Variants in CHST8 observed in about 807,000 individuals in gnomAD.
CHST8 encodes carbohydrate sulfotransferase 8.
CHST8 carries 10 observed loss-of-function variants against 15.0 expected under a neutral mutation model. The ratio of observed to expected loss-of-function variants is 0.67; its 90% CI spans 0.41 to 1.13. The LOEUF is 1.13. CHST8 is among the 50% of genes most tolerant of loss of function. The pLI is 0.00. For missense variants in CHST8, 634 were observed against 608.2 expected, an observed-to-expected ratio of 1.04 and a Z score of -0.45; for synonymous variants, 259 against 256.6, an observed-to-expected ratio of 1.01 and a Z score of -0.09.
At chr19:33,729,311 G>T (rs1973955075) in intron 3 of CHST8, among the ~76,000 whole-genome samples, 1 of 152,254 alleles carries the variant, frequency 6.6e-6, no homozygotes, top group Admixed American at 6.5e-5. Flanking sequence ...CAGGCTGTTG[G>T]CCAGAGAACT....
chr19:33,713,347 C>T (rs1025400730), intron 3 of CHST8, among the ~76,000 whole-genome samples: 1 of 152,068 alleles, frequency 6.6e-6, no homozygotes, highest in African/African-American at 2.4e-5. Flanking sequence ...CTGGGAGATG[C>T]AATGGTGCCC....
rs879748106 is a variant in CHST8, at chr19:33,717,320, G to A, written c.130+27929G>A. Reference sequence around the variant, plus strand: ...TAATAAAAATACAAAAATTAGCCAGGCGTGGTGGTGCGCGCCTGTAGTCCC... The same window carrying A: ...TAATAAAAATACAAAAATTAGCCAGACGTGGTGGTGCGCGCCTGTAGTCCC... On this transcript the variant is annotated intron_variant, in intron 3 of 4. Transcript: ENST00000650847. 5.3e-5 allele frequency among the ~76,000 whole-genome samples: 8 copies of A among 152,116 alleles called. No individual in the cohort carries two copies. The East Asian group carries it at 1.4e-3, about 26-fold the overall frequency.
chr19:33,736,730 CCT>C (rs1034607154), intron 3 of CHST8, among the ~76,000 whole-genome samples: 7 of 152,234 alleles, frequency 4.6e-5, no homozygotes, highest in African/African-American at 1.7e-4. Flanking sequence ...GGCCACCACC[CCT>C]CTCTCCCTAC....
chr19:33,718,218 CTT>C (rs1973700874), intron 3 of CHST8, among the ~76,000 whole-genome samples: 2 of 150,336 alleles, frequency 1.3e-5, no homozygotes, highest in South Asian at 4.3e-4. Context: ...GTCTTTTTTT[CTT>C]TCTTTTTTTT....
intron 3 of CHST8, among the ~76,000 whole-genome samples, chr19:33,734,907 A>T (rs2145331049): frequency 6.6e-6 from 1 of 152,172 alleles, no homozygotes; most frequent in East Asian, 1.9e-4. Context: ...ACATCCCCTG[A>T]CCCCAGCATC....
intron 3 of CHST8, among the ~76,000 whole-genome samples, chr19:33,749,318 A>T (rs752264518): frequency 1.5e-4 from 23 of 152,162 alleles, no homozygotes; most frequent in Admixed American, 2.6e-4. Flanking sequence ...TGTGTATATC[A>T]CAGCTTCATC....
chr19:33,742,013 C>T (rs1243831888), intron 3 of CHST8, among the ~76,000 whole-genome samples: 1 of 152,048 alleles, frequency 6.6e-6, no homozygotes, highest in Non-Finnish European at 1.5e-5. Flanking sequence ...TATCAGGGTG[C>T]AATGGCAACA....
At chr19:33,674,757 T>C (rs1285604201) in intron 2 of CHST8, among the ~76,000 whole-genome samples, 1 of 152,102 alleles carries the variant, frequency 6.6e-6, no homozygotes, top group African/African-American at 2.4e-5. Context: ...CCAGGCTGCG[T>C]AGAGAAGGGA....
At chr19:33,739,839 G>A (rs572845042) in intron 3 of CHST8, among the ~76,000 whole-genome samples, 1 of 152,274 alleles carries the variant, frequency 6.6e-6, no homozygotes, top group African/African-American at 2.4e-5. Context: ...GATGGTCAAA[G>A]AATCTGATGA....
At position 33,772,993 on chromosome 19, in the gene CHST8, G is replaced by C; in HGVS notation, c.1205G>C (p.Arg402Pro). 1 of 1,613,248 alleles carries C rather than the reference G, an allele frequency of 6.2e-7. No individual in the cohort carries two copies. The highest frequency in any genetic ancestry group is 8.5e-7 in the Non-Finnish European group (1 of 1,180,020). The change falls in exon 5 of 5, where the codon CGC becomes CCC. Residue 402 changes from arginine (R) to proline (P), a missense_variant. Transcript: ENST00000650847. ...CAACTCTCGGCCCTGCAAAGGCAGCGCACCTACGACTTCTACTACATGGAT... is the reference window on the plus strand; with the variant it reads ...CAACTCTCGGCCCTGCAAAGGCAGCCCACCTACGACTTCTACTACATGGAT... ...FAQLSALQRQ[R>P]TYDFYYMDYL...
chr19:33,725,584 T>G (rs1218973186), intron 3 of CHST8, among the ~76,000 whole-genome samples: 1 of 152,100 alleles, frequency 6.6e-6, no homozygotes, highest in Non-Finnish European at 1.5e-5. Flanking sequence ...TCACCTTCCT[T>G]TGCCCCAAAT....
At chr19:33,688,537 C>G (rs548480057) in intron 2 of CHST8, among the ~76,000 whole-genome samples, 1 of 152,290 alleles carries the variant, frequency 6.6e-6, no homozygotes, top group South Asian at 2.1e-4. Flanking sequence ...AGCCTCAGCT[C>G]CCTCTGGTGT....
intron 1 of CHST8, among the ~76,000 whole-genome samples, chr19:33,654,158 A>G (rs1414976732): frequency 1.3e-5 from 2 of 152,156 alleles, no homozygotes; most frequent in Non-Finnish European, 2.9e-5. Context: ...TTTAATCACT[A>G]TATTTTTCAT....
At position 33,638,946 on chromosome 19, in the gene CHST8, G is replaced by A. The variant is rs146299228; in HGVS notation, c.-164+16650G>A. Among the ~76,000 whole-genome samples the A allele has an allele frequency of 2.1e-3, 316 of 152,180 alleles. 3 individuals are homozygous for A. Among genetic ancestry groups the A allele is most frequent in the African/African-American group, 7.2e-3 (300 of 41,518 alleles). ...GGCACCCAGAGAATGCATGGCTGGG[G>A]ATCAGAAGATTTCTTGTTGCTGCTG... is the stretch of plus-strand genomic sequence containing the variant. On this transcript the variant is annotated intron_variant, in intron 1 of 4. Transcript: ENST00000650847.
intron 2 of CHST8, among the ~76,000 whole-genome samples, chr19:33,676,804 G>A (rs901565150): frequency 6.6e-6 from 1 of 151,688 alleles, no homozygotes; most frequent in Admixed American, 6.6e-5. Flanking sequence ...TTGAGCCCAG[G>A]AGTTTGAGGC....
At position 33,631,392 on chromosome 19, in the gene CHST8, G is replaced by A. The variant is rs560242343; in HGVS notation, c.-164+9096G>A. ...ATGGGCTGGGAGTGGCACTGGGATC[G>A]CACGTGGATTTCCCCTCCCTGTTGC... On this transcript the variant is annotated intron_variant, in intron 1 of 4. Transcript: ENST00000650847. Among the ~76,000 whole-genome samples, 25 of 152,258 alleles carry A rather than the reference G, an allele frequency of 1.6e-4. No individual in the cohort carries two copies. The East Asian group carries it at 3.5e-3, about 21-fold the overall frequency.
chr19:33,675,498 C>T (rs1023161340), intron 2 of CHST8, among the ~76,000 whole-genome samples: 4 of 152,246 alleles, frequency 2.6e-5, no homozygotes, highest in Admixed American at 1.3e-4. Context: ...TTCTGTTTCT[C>T]GCTTCCAAAA....
At chr19:33,624,429 T>G (rs961925424) in intron 1 of CHST8, among the ~76,000 whole-genome samples, 2 of 152,244 alleles carry the variant, frequency 1.3e-5, no homozygotes, top group Non-Finnish European at 2.9e-5. Flanking sequence ...TATAATCTTG[T>G]AGCCAGAATA....
chr19:33,726,536 T>A (rs1170426119), intron 3 of CHST8, among the ~76,000 whole-genome samples: 2 of 151,836 alleles, frequency 1.3e-5, no homozygotes, highest in Non-Finnish European at 2.9e-5. Flanking sequence ...AGACCCTGTC[T>A]CAATAATAAT....
Sources: allele counts gnomAD v4.1 joint callset (sites outside exome capture counted in the v4.1 genomes callset), GRCh38; gene constraint gnomAD v4.1.1; transcripts MANE v1.5; gene names NCBI Gene and HGNC (gene_info 2026-07-23, HGNC 2026-07-21).